The following CRLF2 variants were observed in gnomAD, a reference collection of about 807,000 sequenced individuals.
CRLF2 encodes cytokine receptor like factor 2.
A neutral mutation model predicts 38.7 loss-of-function variants in CRLF2; 41 were observed. That is an observed-to-expected ratio of 1.06 (90% CI 0.83 to 1.37). The LOEUF is 1.37. CRLF2 is among the 40% of genes most tolerant of loss of function. The pLI is 0.00. For synonymous variants in CRLF2, 140 were observed against 128.8 expected, an observed-to-expected ratio of 1.09 and a Z score of -0.59; for missense variants, 377 against 322.2, an observed-to-expected ratio of 1.17 and a Z score of -1.30.
intron 5 of CRLF2, among the ~76,000 whole-genome samples, chrX:1,197,220 G>A (rs1357373414): frequency 6.7e-6 from 1 of 150,002 alleles, no homozygotes; most frequent in East Asian, 2.0e-4. Flanking sequence ...AGCCTCCCGA[G>A]CAGCTGGGAT....
intron 3 of CRLF2, among the ~76,000 whole-genome samples, chrX:1,204,941 T>C (rs1228368258): frequency 1.3e-5 from 2 of 152,156 alleles, no homozygotes; most frequent in Non-Finnish European, 2.9e-5. Context: ...TGCCTCAGCC[T>C]CCCGAACAGC....
intron 6 of CRLF2, among the ~76,000 whole-genome samples, 176 bp from the exon 7 acceptor site, chrX:1,193,478 A>C (rs1223550970): frequency 1.3e-5 from 2 of 152,020 alleles, no homozygotes; most frequent in African/African-American, 4.8e-5. Context: ...TGGGGTCCTC[A>C]TAAAGTTCCC....
intron 7 of CRLF2, among the ~76,000 whole-genome samples, 188 bp from the exon 8 acceptor site, chrX:1,191,348 T>TTC (rs1413878313): frequency 0.047 from 5,717 of 122,208 alleles, 391 homozygotes; most frequent in East Asian, 0.064. Flanking sequence ...TTTCTTTCCT[T>TTC]CTTTCTTTCT....
intron 2 of CRLF2, among the ~76,000 whole-genome samples, chrX:1,208,499 C>T (rs2086730771): frequency 6.6e-6 from 1 of 152,072 alleles, no homozygotes; most frequent in African/African-American, 2.4e-5. Flanking sequence ...GCAGAGGTTG[C>T]AGTGAGCCGA....
chrX:1,192,669 CTT>C (rs1160416394), intron 7 of CRLF2, among the ~76,000 whole-genome samples: 2 of 145,674 alleles, frequency 1.4e-5, no homozygotes, highest in African/African-American at 5.1e-5. Flanking sequence ...TTCCTTTTTT[CTT>C]TCTCTTTCTT....
At chrX:1,192,220 A>AAAAC (rs1264203037) in intron 7 of CRLF2, among the ~76,000 whole-genome samples, 1 of 124,784 alleles carries the variant, frequency 8.0e-6, no homozygotes, top group Non-Finnish European at 1.7e-5. Context: ...AAAAAAAAAA[A>AAAAC]CAAAAAAAAC....
chrX:1,192,214 A>AAAAAC (rs1556416134), intron 7 of CRLF2, among the ~76,000 whole-genome samples: 1 of 137,622 alleles, frequency 7.3e-6, no homozygotes, highest in African/African-American at 2.6e-5. Flanking sequence ...CAAAAAAAAA[A>AAAAAC]AAAAAACAAA....
At chrX:1,197,626 C>T (rs1449139966) in intron 5 of CRLF2, among the ~76,000 whole-genome samples, 12 of 151,772 alleles carry the variant, frequency 7.9e-5, no homozygotes, top group African/African-American at 2.2e-4. Flanking sequence ...CCAGCCTGGC[C>T]AATATGGGGA....
intron 1 of CRLF2, among the ~76,000 whole-genome samples, chrX:1,212,160 A>G (rs1254482957): frequency 6.6e-6 from 1 of 151,960 alleles, no homozygotes; most frequent in Non-Finnish European, 1.5e-5. Context: ...TGGATAGTGG[A>G]TGGATGGGTG....
intron 6 of CRLF2, among the ~76,000 whole-genome samples, chrX:1,193,896 G>C (rs1290865917): frequency 6.6e-6 from 1 of 151,946 alleles, no homozygotes; most frequent in African/African-American, 2.4e-5. Context: ...GGGAGGCAGA[G>C]GTTGCAGTGA....
intron 2 of CRLF2, among the ~76,000 whole-genome samples, chrX:1,207,683 A>C (rs1228523659): frequency 6.8e-6 from 1 of 147,896 alleles, no homozygotes; most frequent in African/African-American, 2.5e-5. Flanking sequence ...TTTTTGAGAC[A>C]GTCTCGCTCT....
At chrX:1,196,244 G>A (rs1308673800) in intron 6 of CRLF2, among the ~76,000 whole-genome samples, 2 of 146,564 alleles carry the variant, frequency 1.4e-5, no homozygotes, top group Non-Finnish European at 3.0e-5. Flanking sequence ...CTGGAGTGCA[G>A]TGGCGCAATC....
chrX:1,208,932 G>T, intron 1 of CRLF2, 24 bp from the exon 2 acceptor site: 2 of 1,285,754 alleles, frequency 1.6e-6, no homozygotes, highest in South Asian at 1.2e-5. Flanking sequence ...GACGCATGAA[G>T]TTCACGGTGA....
intron 7 of CRLF2, among the ~76,000 whole-genome samples, chrX:1,191,589 C>A (rs1465154274): frequency 6.6e-6 from 1 of 151,002 alleles, no homozygotes; most frequent in African/African-American, 2.4e-5. Flanking sequence ...TGGAGTGCAA[C>A]GGCGTGATCT....
intron 6 of CRLF2, among the ~76,000 whole-genome samples, chrX:1,196,375 A>T (rs1409653931): frequency 5.3e-5 from 8 of 149,610 alleles, no homozygotes; most frequent in African/African-American, 1.7e-4. Flanking sequence ...TTTATTAGAG[A>T]CGGGGTTTCA....
In CRLF2 at chrX:1,196,445, C is replaced by A. The variant is rs1603394406; in HGVS notation, c.767+335G>T. ...TTATGATTCACCTGCCTTGGCATCA[C>A]AAAATACTGGGATTACAGGCGTGAA... On this transcript the variant is annotated intron_variant, in intron 6 of 7. Coordinates refer to ENST00000400841, the MANE Select transcript of CRLF2 (RefSeq NM_022148.4). 1.3e-5 allele frequency among the ~76,000 whole-genome samples: 2 copies of A among 152,020 alleles called. 1 individual carries two copies. The highest frequency in any genetic ancestry group is 4.1e-4 in the South Asian group (2 of 4,820).
At chrX:1,197,229 A>G (rs2086498084) in intron 5 of CRLF2, among the ~76,000 whole-genome samples, 1 of 150,420 alleles carries the variant, frequency 6.6e-6, no homozygotes, top group Non-Finnish European at 1.5e-5. Context: ...AGCAGCTGGG[A>G]TGACAGGCAT....
intron 4 of CRLF2, among the ~76,000 whole-genome samples, chrX:1,199,428 C>A (rs1416566464): frequency 6.6e-6 from 1 of 152,052 alleles, no homozygotes; most frequent in Non-Finnish European, 1.5e-5. Context: ...CCTCAGCCTC[C>A]CGAGTAGCTC....
At chrX:1,191,338 T>TTTCTTTCTTTCC (rs2086374191) in intron 7 of CRLF2, among the ~76,000 whole-genome samples, 178 bp from the exon 8 acceptor site, 1 of 111,598 alleles carries the variant, frequency 9.0e-6, no homozygotes, top group Non-Finnish European at 1.9e-5. Flanking sequence ...TCTTTCTTTC[T>TTTCTTTCTTTCC]TTCTTTCCTT....
Sources: gnomAD v4.1 joint callset for allele counts (sites outside exome capture counted in the v4.1 genomes callset) on GRCh38, gnomAD v4.1.1 for gene constraint, MANE v1.5 for transcripts, NCBI Gene and HGNC (gene_info 2026-07-23, HGNC 2026-07-21) for gene names.